The following LRRC69 variants were observed in gnomAD, a reference collection of about 807,000 sequenced individuals.
LRRC69 encodes leucine-rich repeat-containing protein 69.
LRRC69 carries 42 observed loss-of-function variants against 37.8 expected under a neutral mutation model. The ratio of observed to expected loss-of-function variants is 1.11; its 90% CI spans 0.87 to 1.44. The LOEUF is 1.44. Ranked by LOEUF, LRRC69 falls within the 40% of genes most tolerant of loss-of-function variation. The pLI, the probability that LRRC69 is intolerant of heterozygous loss-of-function variation, is 0.00. For synonymous variants in LRRC69, 141 were observed against 143.1 expected (o/e 0.99, Z 0.11); for missense variants, 357 against 401.9 (o/e 0.89, Z 0.96).
intron 7 of LRRC69, among the ~76,000 whole-genome samples, chr8:91,208,619 T>C (rs1190994692): frequency 6.6e-6 from 1 of 152,208 alleles, no homozygotes; most frequent in Non-Finnish European, 1.5e-5. Context: ...ATTCAAGGCT[T>C]ATGTGGTAAT....
intron 7 of LRRC69, among the ~76,000 whole-genome samples, chr8:91,213,991 G>T (rs980175601): frequency 2.0e-5 from 3 of 152,042 alleles, no homozygotes; most frequent in African/African-American, 7.2e-5. Context: ...TACTGAACAT[G>T]TGGGGGAAAA....
intron 1 of LRRC69, among the ~76,000 whole-genome samples, chr8:91,109,066 T>C (rs1813368036): frequency 1.3e-5 from 2 of 152,082 alleles, no homozygotes; most frequent in African/African-American, 4.8e-5. Context: ...TAATGCCTCC[T>C]ATTTCCTAAG....
exon 4 of LRRC69, chr8:91,133,119 T>G: frequency 6.8e-7 from 1 of 1,461,202 alleles, no homozygotes; most frequent in Middle Eastern, 1.9e-4. Flanking sequence ...GATTAAAAAG[T>G]CTTACTTATA....
intron 5 of LRRC69, among the ~76,000 whole-genome samples, chr8:91,166,547 C>T: frequency 7.3e-6 from 1 of 137,650 alleles, no homozygotes; most frequent in East Asian, 2.1e-4. Flanking sequence ...CTAATATTAG[C>T]AATTTTGAAA....
At chr8:91,190,950 G>C (rs1235791787) in intron 6 of LRRC69, among the ~76,000 whole-genome samples, 3 of 151,774 alleles carry the variant, frequency 2.0e-5, no homozygotes, top group Non-Finnish European at 4.4e-5. Context: ...CAGCTACTCA[G>C]GAGGCTTGAG....
intron 5 of LRRC69, among the ~76,000 whole-genome samples, chr8:91,142,598 GGCCCTCCTTC>G (rs1808549104): frequency 6.6e-6 from 1 of 152,002 alleles, no homozygotes; most frequent in Non-Finnish European, 1.5e-5. Flanking sequence ...CAGAAGGCTA[GGCCCTCCTTC>G]TAGGATTTCT....
chr8:91,139,317 G>C (rs1308418534), intron 5 of LRRC69: 1 of 151,848 alleles, frequency 6.6e-6, no homozygotes, highest in African/African-American at 2.4e-5. Flanking sequence ...CGAGGCGGGT[G>C]GATCACGAGG....
At chr8:91,157,555 C>G (rs989053678) in intron 5 of LRRC69, 2 of 1,523,480 alleles carry the variant, frequency 1.3e-6, no homozygotes, top group Non-Finnish European at 1.8e-6. Context: ...TGAGGGTTTA[C>G]TCCTGGAAGA....
At chr8:91,202,311 G>T (rs35849672) in intron 7 of LRRC69, among the ~76,000 whole-genome samples, 1 of 152,110 alleles carries the variant, frequency 6.6e-6, no homozygotes, top group South Asian at 2.1e-4. Context: ...TTAAAATCAG[G>T]TGTCATTTAA....
chr8:91,197,860 G>T (rs1381674152), intron 6 of LRRC69, among the ~76,000 whole-genome samples: 1 of 152,052 alleles, frequency 6.6e-6, no homozygotes, highest in African/African-American at 2.4e-5. Flanking sequence ...GGCCATCTTG[G>T]CTCCTCCCGT....
intron 1 of LRRC69, among the ~76,000 whole-genome samples, chr8:91,120,320 C>T (rs1403664934): frequency 6.6e-6 from 1 of 152,008 alleles, no homozygotes; most frequent in Non-Finnish European, 1.5e-5. Flanking sequence ...TTTGCTTTTG[C>T]CTTGGATTCT....
intron 1 of LRRC69, among the ~76,000 whole-genome samples, chr8:91,119,103 C>T (rs566888003): frequency 3.7e-4 from 57 of 152,118 alleles, no homozygotes; most frequent in Non-Finnish European, 6.5e-4. Flanking sequence ...TCTTGTGTGT[C>T]TTGTTCACTC....
intron 1 of LRRC69, among the ~76,000 whole-genome samples, chr8:91,109,136 G>C (rs1295198988): frequency 6.9e-6 from 1 of 144,532 alleles, no homozygotes. Flanking sequence ...CTGGTACAAG[G>C]GCACATAGTA....
chr8:91,202,099 G>C (rs992130157), intron 7 of LRRC69, among the ~76,000 whole-genome samples: 1 of 152,094 alleles, frequency 6.6e-6, no homozygotes, highest in Non-Finnish European at 1.5e-5. Flanking sequence ...CCAGCTTCTT[G>C]GGAGACTGAG....
chr8:91,186,413 G>C (rs913635978), intron 5 of LRRC69, among the ~76,000 whole-genome samples: 8 of 152,132 alleles, frequency 5.3e-5, no homozygotes, highest in African/African-American at 1.9e-4. Context: ...TTGAAGAGAT[G>C]ACCCAGTTGT....
chr8:91,166,623 A>G (rs1015739980), intron 5 of LRRC69, among the ~76,000 whole-genome samples: 7 of 151,810 alleles, frequency 4.6e-5, no homozygotes, highest in African/African-American at 1.7e-4. Flanking sequence ...CTGTAAAGCA[A>G]GAAGAAAACA....
intron 1 of LRRC69, among the ~76,000 whole-genome samples, chr8:91,107,521 G>T (rs868798877): frequency 6.6e-6 from 1 of 151,922 alleles, no homozygotes; most frequent in African/African-American, 2.4e-5. Context: ...ACAAAGTGTG[G>T]TCCCTGCCTT....
chr8:91,154,309 ACCAT>A (rs1322108145), intron 5 of LRRC69, among the ~76,000 whole-genome samples: 1 of 151,776 alleles, frequency 6.6e-6, no homozygotes, highest in Non-Finnish European at 1.5e-5. Flanking sequence ...AGGAGTTGGT[ACCAT>A]TCCCCATTCC....
intron 5 of LRRC69, among the ~76,000 whole-genome samples, chr8:91,147,899 C>T (rs1181235120): frequency 1.3e-5 from 2 of 151,626 alleles, no homozygotes; most frequent in Admixed American, 6.6e-5. Flanking sequence ...GTATTGTTCC[C>T]TTCCCTGTGT....
Sources: gnomAD v4.1 joint callset for allele counts (sites outside exome capture counted in the v4.1 genomes callset) on GRCh38, gnomAD v4.1.1 for gene constraint, MANE v1.5 for transcripts, NCBI Gene and HGNC (gene_info 2026-07-23, HGNC 2026-07-21) for gene names.